The following TCEA2 variants were observed in gnomAD, a reference collection of about 807,000 sequenced individuals.
TCEA2 encodes transcription elongation factor A2.
A neutral mutation model predicts 40.8 loss-of-function variants in TCEA2; 21 were observed. The ratio of observed to expected loss-of-function variants is 0.51; its 90% CI spans 0.36 to 0.74. TCEA2 has a LOEUF of 0.74. Among genes scored for constraint, TCEA2 ranks in the 30% least tolerant of loss-of-function variants. TCEA2 has a pLI of 0.00. For synonymous variants in TCEA2, 165 were observed against 162.7 expected, an observed-to-expected ratio of 1.01 and a Z score of -0.11; for missense variants, 326 against 426.5, an observed-to-expected ratio of 0.76 and a Z score of 2.08.
At chr20:64,058,302 G>GT (rs1306504435), upstream of TCEA2, among the ~76,000 whole-genome samples, 14 of 152,156 alleles carry the variant, frequency 9.2e-5, no homozygotes, top group Admixed American at 9.2e-4. This position sits in a 1 kb window ranked among gnomAD's most constrained non-coding sequence, Gnocchi z 6.7. Flanking sequence ...ATGCAGCCCC[G>GT]TAGGCTGGGC....
At chr20:64,060,965 TG>T (rs1269352028), upstream of TCEA2, among the ~76,000 whole-genome samples, 2 of 151,390 alleles carry the variant, frequency 1.3e-5, no homozygotes, top group African/African-American at 2.4e-5. Flanking sequence ...AATTTTTTTT[TG>T]TTTTTTTGTA....
chr20:64,068,151 G>T lies in TCEA2; in HGVS notation c.329+17G>T. The stretch of plus-strand genomic sequence containing the variant: ...GGATCCCAGGTAGCACACCTGGAAG[G>T]CAGGTGCACACACTTCTGCTTCCCA... On this transcript the variant is annotated intron_variant, in intron 4 of 9. Coordinates refer to ENST00000343484, the MANE Select transcript of TCEA2 (RefSeq NM_003195.6). 4 of 1,595,582 alleles carry T rather than the reference G, an allele frequency of 2.5e-6. No homozygotes were observed. Among genetic ancestry groups the T allele is most frequent in the Admixed American group, 1.7e-5 (1 of 59,036 alleles).
Position 64,069,814 on chromosome 20 carries a change from C to G in TCEA2, c.510C>G (p.Ile170Met). The change falls in exon 6 of 10, where the codon ATC becomes ATG. Residue 170 changes from isoleucine (I) to methionine (M), a missense_variant. Coordinates refer to ENST00000343484, the MANE Select transcript of TCEA2 (RefSeq NM_003195.6). ...ACTGCGAGCGCCTGTCGGCTCAGAT[C>G]GAGGAATATATCCTTTGGGTAGGGG... ...GADCERLSAQ[I>M]EECIFRDVGN... 1 of 1,613,860 alleles carries G rather than the reference C, an allele frequency of 6.2e-7. No homozygotes were observed. Among genetic ancestry groups the G allele is most frequent in the Non-Finnish European group, 8.5e-7 (1 of 1,179,998 alleles).
chr20:64,060,087 A>T (rs2059532975), upstream of TCEA2, among the ~76,000 whole-genome samples: 1 of 151,784 alleles, frequency 6.6e-6, no homozygotes, highest in Non-Finnish European at 1.5e-5. Flanking sequence ...TGGGACGTTG[A>T]CCCTCTCTCC....
At chr20:64,061,730 CTTTT>C (rs1384969720), upstream of TCEA2, among the ~76,000 whole-genome samples, 1 of 151,156 alleles carries the variant, frequency 6.6e-6, no homozygotes, top group Admixed American at 6.6e-5. Context: ...CTCTCTCTCT[CTTTT>C]TTTTTCTTTT....
At position 64,070,528 on chromosome 20, in the gene TCEA2, A is replaced by G; in HGVS notation, c.712A>G (p.Met238Val). 1.9e-6 allele frequency: 3 copies of G among 1,613,854 alleles called. No individual in the cohort carries two copies. Among genetic ancestry groups the G allele is most frequent in the Non-Finnish European group, 2.5e-6 (3 of 1,180,028 alleles). Reference sequence around the variant, plus strand: ...TGAGCTGAAGGAGATCCGTAAGGCCATGACCAAGGAGGCCATCCGAGAGCA... The same window carrying G: ...TGAGCTGAAGGAGATCCGTAAGGCCGTGACCAAGGAGGCCATCCGAGAGCA... ...SDELKEIRKA[M>V]TKEAIREHQM... Residue 238 changes from methionine to valine, a missense_variant, in exon 8 of 10, where the codon ATG (methionine) becomes GTG (valine). Physicochemically the swap from Met to Val is conservative, Grantham distance 21. Transcript: ENST00000343484.
chr20:64,058,211 C>T (rs1361543874), upstream of TCEA2, among the ~76,000 whole-genome samples: 4 of 152,224 alleles, frequency 2.6e-5, no homozygotes, highest in African/African-American at 9.6e-5. The surrounding 1 kb of genome is among the most constrained non-coding windows in gnomAD (Gnocchi z 6.7). Flanking sequence ...GCTCCTTTCT[C>T]TCCATCACCT....
At chr20:64,060,745 TAGAA>T (rs550212005), upstream of TCEA2, among the ~76,000 whole-genome samples, 18 of 152,228 alleles carry the variant, frequency 1.2e-4, 1 homozygote, top group South Asian at 3.7e-3. Flanking sequence ...GCCTCTGTCT[TAGAA>T]AGGCTTTGCT....
chr20:64,055,705 A>G (rs75017809), upstream of TCEA2, among the ~76,000 whole-genome samples: 8,075 of 152,140 alleles, frequency 0.053, 684 homozygotes, highest in African/African-American at 0.18. This position sits in a 1 kb window ranked among gnomAD's most constrained non-coding sequence, Gnocchi z 4.0. Context: ...GATCTGCCTC[A>G]GCTCAGCTGC....
At chr20:64,064,912 G>A (rs2059652328) in intron 1 of TCEA2, among the ~76,000 whole-genome samples, 1 of 151,466 alleles carries the variant, frequency 6.6e-6, no homozygotes, top group Non-Finnish European at 1.5e-5. Context: ...AACGATAAAA[G>A]CTGTAGGTGG....
chr20:64,070,161 A>G, intron 6 of TCEA2, 99 bp from the exon 7 acceptor site: 1 of 1,546,808 alleles, frequency 6.5e-7, no homozygotes, highest in Non-Finnish European at 8.8e-7. Context: ...GGCTGGGCAG[A>G]ACCTTTCCAG....
chr20:64,068,266 G>A (rs894337211), intron 4 of TCEA2, 132 bp downstream of exon 4: 4 of 792,136 alleles, frequency 5.0e-6, no homozygotes, highest in Non-Finnish European at 8.3e-6. Flanking sequence ...GCCTCATGCT[G>A]GACACCAGCC....
Position 64,063,271 on chromosome 20 carries a change from G to C in TCEA2, c.-42G>C. ...GGGGCCGGGGTCCTGCCCGGCTGCG[G>C]AGGCGGGCGCGACGGGCGCGGGGGT... On this transcript the variant is annotated 5_prime_UTR_variant, in exon 1 of 10. Transcript: ENST00000343484. 2.7e-6 allele frequency: 4 copies of C among 1,504,666 alleles called. No homozygotes were observed. The highest frequency in any genetic ancestry group is 3.5e-6 in the Non-Finnish European group (4 of 1,129,018). The allele number at this position is 1,504,666 out of a possible 1,614,324, so 93.2% of individuals were successfully genotyped here.
At chr20:64,065,113 C>T (rs993245677) in intron 1 of TCEA2, among the ~76,000 whole-genome samples, 7 of 152,050 alleles carry the variant, frequency 4.6e-5, no homozygotes, top group South Asian at 2.1e-4. Context: ...GAGGTCCCCT[C>T]GGGGACCTGG....
At chr20:64,069,981 G>A in intron 6 of TCEA2, 160 bp downstream of exon 6, 1 of 983,436 alleles carries the variant, frequency 1.0e-6, no homozygotes, top group South Asian at 1.3e-5. Context: ...TCTCACCTCA[G>A]GAGGGCCCCC....
chr20:64,063,332 A>T lies in TCEA2; in HGVS notation c.20A>T (p.Glu7Val). The T allele has an allele frequency of 1.3e-6, 2 of 1,548,980 alleles. No individual in the cohort carries two copies. Among genetic ancestry groups the T allele is most frequent in the East Asian group, 4.9e-5 (2 of 41,068 alleles). Residue 7 changes from glutamate (E) to valine (V), a missense_variant, in exon 1 of 10, where the codon GAG becomes GTG. Physicochemically the swap from Glu to Val is moderately radical, Grantham distance 121. Transcript: ENST00000343484. MMGKEE[E>V]IARIARRLDK... The stretch of plus-strand genomic sequence containing the variant: ...GAGGCGATGATGGGCAAGGAAGAGG[A>T]GATTGCGCGGATCGCCCGGAGGCTG...
At chr20:64,066,881 C>T (rs552264196) in intron 2 of TCEA2, 34 bp from the exon 3 acceptor site, 2 of 1,602,160 alleles carry the variant, frequency 1.2e-6, no homozygotes, top group South Asian at 2.2e-5. Flanking sequence ...GGGTGGGCCC[C>T]TGCCTCCCCC....
chr20:64,064,416 T>C (rs2059639966), intron 1 of TCEA2: 1 of 152,248 alleles, frequency 6.6e-6, no homozygotes, highest in African/African-American at 2.4e-5. Context: ...CACAGAAGCA[T>C]CTTTAGAGGA....
Position 64,070,546 on chromosome 20 carries a change from C to A in TCEA2, c.730C>A (p.Arg244=), listed in dbSNP as rs771001507. The A allele has an allele frequency of 6.2e-7, 1 of 1,613,896 alleles. No individual in the cohort carries two copies. Among genetic ancestry groups the A allele is most frequent in the Admixed American group, 1.7e-5 (1 of 60,028 alleles). Residue 244 remains arginine, a synonymous_variant, in exon 8 of 10, where the codon CGA becomes AGA. Coordinates refer to ENST00000343484, the MANE Select transcript of TCEA2 (RefSeq NM_003195.6). ...IRKAMTKEAI[R]EHQMARTGGT... is the part of the protein sequence containing the mutation. ...TAAGGCCATGACCAAGGAGGCCATC[C>A]GAGAGCACCAGATGGCCCGCACTGG...
Sources: gnomAD v4.1 joint callset for allele counts (sites outside exome capture counted in the v4.1 genomes callset) on GRCh38, gnomAD v4.1.1 for gene constraint, Gnocchi (gnomAD v3.1) non-coding constraint, MANE v1.5 for transcripts, NCBI Gene and HGNC (gene_info 2026-07-23, HGNC 2026-07-21) for gene names.